GLI2: variants seen among roughly 807,000 people sequenced by gnomAD.
GLI2 encodes the protein transcription activator GLI2.
Under a neutral mutation model 78.9 loss-of-function variants are expected in GLI2, and 22 were observed. The observed-to-expected ratio is 0.28, with a 90% CI of 0.20 to 0.40. GLI2 has a LOEUF of 0.40. GLI2 is among the 10% of genes least tolerant of loss of function. GLI2 has a pLI of 1.00. For synonymous variants in GLI2, 974 were observed against 963.7 expected (o/e 1.01, Z -0.20); for missense variants, 2,097 against 2,213.2 (o/e 0.95, Z 1.05).
At chr2:120,879,344 A>T (rs543675609) in intron 2 of GLI2, among the ~76,000 whole-genome samples, 5 of 152,304 alleles carry the variant, frequency 3.3e-5, no homozygotes, top group African/African-American at 1.2e-4. Context: ...AGTTGCAGCC[A>T]GGTCTGGAGG....
chr2:120,978,295 G>A, intron 9 of GLI2, 139 bp from the exon 10 acceptor site: 1 of 872,028 alleles, frequency 1.1e-6, no homozygotes, highest in Non-Finnish European at 2.0e-6. Context: ...CATAATAGGT[G>A]TGGTCAGCAG....
chr2:120,903,990 CAG>C (rs1381336695), intron 2 of GLI2, among the ~76,000 whole-genome samples: 2 of 152,116 alleles, frequency 1.3e-5, no homozygotes, highest in African/African-American at 4.8e-5. Context: ...GTGGGCAGTG[CAG>C]AGTTTTGGGG....
At chr2:120,825,119 C>A (rs947068827) in intron 2 of GLI2, among the ~76,000 whole-genome samples, 1 of 152,276 alleles carries the variant, frequency 6.6e-6, no homozygotes, top group East Asian at 1.9e-4. Flanking sequence ...AGCCATTGTG[C>A]CTGGCCCCCA....
intron 2 of GLI2, among the ~76,000 whole-genome samples, chr2:120,834,190 T>G (rs1686497596): frequency 6.6e-6 from 1 of 152,168 alleles, no homozygotes; most frequent in East Asian, 1.9e-4. Context: ...AAAGATGATT[T>G]GTTATTCACA....
At chr2:120,752,647 G>T (rs1213921070) in intron 1 of GLI2, among the ~76,000 whole-genome samples, 1 of 152,148 alleles carries the variant, frequency 6.6e-6, no homozygotes, top group Non-Finnish European at 1.5e-5. Context: ...AAGCATGAAG[G>T]TTATACATAC....
intron 8 of GLI2, 34 bp downstream of exon 8, chr2:120,972,097 G>C (rs1396479189): frequency 6.2e-7 from 1 of 1,611,632 alleles, no homozygotes; most frequent in Non-Finnish European, 8.5e-7. Context: ...CCTTCCTCCA[G>C]CTAGGACCAG....
At chr2:120,819,496 T>C (rs1316901180) in intron 2 of GLI2, among the ~76,000 whole-genome samples, 3 of 152,110 alleles carry the variant, frequency 2.0e-5, no homozygotes, top group East Asian at 1.9e-4. Context: ...CGCCTCAGCC[T>C]CCTAAAGTGC....
intron 2 of GLI2, among the ~76,000 whole-genome samples, chr2:120,831,845 G>A (rs1248519091): frequency 6.6e-6 from 1 of 152,208 alleles, no homozygotes; most frequent in Non-Finnish European, 1.5e-5. Context: ...TGCTCACAAA[G>A]TACCTGCGTG....
chr2:120,925,896 C>T (rs1679639615), intron 2 of GLI2, among the ~76,000 whole-genome samples: 1 of 151,626 alleles, frequency 6.6e-6, no homozygotes, highest in African/African-American at 2.4e-5. Context: ...CACGGTGAAA[C>T]CTCGTCTCTA....
At chr2:120,873,995 C>A (rs559499407) in intron 2 of GLI2, among the ~76,000 whole-genome samples, 1 of 152,252 alleles carries the variant, frequency 6.6e-6, no homozygotes, top group East Asian at 1.9e-4. Flanking sequence ...ATCTGCTGCC[C>A]CCAAGTCCTG....
At chr2:120,767,761 G>A (rs1040113735) in intron 1 of GLI2, among the ~76,000 whole-genome samples, 2 of 152,242 alleles carry the variant, frequency 1.3e-5, no homozygotes, top group African/African-American at 2.4e-5. Context: ...TAACCCAGGC[G>A]CTTGTCCAGC....
At chr2:120,934,290 A>G (rs1207780150) in intron 3 of GLI2, among the ~76,000 whole-genome samples, 2 of 152,224 alleles carry the variant, frequency 1.3e-5, no homozygotes, top group African/African-American at 4.8e-5. Context: ...ACCTATTCAT[A>G]TGACCTAAAC....
intron 2 of GLI2, among the ~76,000 whole-genome samples, chr2:120,908,778 G>C (rs552699527): frequency 3.9e-5 from 6 of 152,350 alleles, no homozygotes; most frequent in Admixed American, 3.3e-4. Flanking sequence ...CTCCAGCCTG[G>C]AGGCAGATTC....
intron 1 of GLI2, among the ~76,000 whole-genome samples, chr2:120,739,205 C>T (rs1427201280): frequency 6.6e-6 from 1 of 152,152 alleles, no homozygotes; most frequent in Non-Finnish European, 1.5e-5. Context: ...GATTAGCAAA[C>T]CAGGGATTCA....
At chr2:120,971,417 C>T (rs920985597) in intron 7 of GLI2, among the ~76,000 whole-genome samples, 1 of 152,262 alleles carries the variant, frequency 6.6e-6, no homozygotes, top group Admixed American at 6.5e-5. Flanking sequence ...TAGAAGTGTC[C>T]TCTGTTCCAG....
At chr2:120,809,043 G>A (rs1685104175) in intron 2 of GLI2, among the ~76,000 whole-genome samples, 1 of 152,172 alleles carries the variant, frequency 6.6e-6, no homozygotes, top group Admixed American at 6.5e-5. Context: ...GAAAACCTAT[G>A]TGCACACAAA....
chr2:120,875,988 A>G (rs1373943250), intron 2 of GLI2, among the ~76,000 whole-genome samples: 2 of 152,226 alleles, frequency 1.3e-5, no homozygotes, highest in African/African-American at 4.8e-5. Flanking sequence ...TTCAGTAGGC[A>G]GTGCTGAGAC....
chr2:120,865,854 C>T (rs948579745), intron 2 of GLI2, among the ~76,000 whole-genome samples: 2 of 152,348 alleles, frequency 1.3e-5, no homozygotes, highest in African/African-American at 2.4e-5. Flanking sequence ...CGTCCCACTC[C>T]GGGTACCCCA....
intron 2 of GLI2, among the ~76,000 whole-genome samples, chr2:120,815,261 T>C: frequency 6.6e-6 from 1 of 152,092 alleles, no homozygotes; most frequent in East Asian, 1.9e-4. Flanking sequence ...CAGTAAGTCT[T>C]TATCGGGAAG....
Sources: allele counts gnomAD v4.1 joint callset (sites outside exome capture counted in the v4.1 genomes callset), GRCh38; gene constraint gnomAD v4.1.1; transcripts MANE v1.5; gene names NCBI Gene and HGNC (gene_info 2026-07-23, HGNC 2026-07-21).